CEP192: variants seen among roughly 807,000 people sequenced by gnomAD.
CEP192 encodes the protein centrosomal protein of 192 kDa.
CEP192 carries 151 observed loss-of-function variants against 271.8 expected under a neutral mutation model. That is an observed-to-expected ratio of 0.56 (90% CI 0.49 to 0.64). The LOEUF is 0.64. CEP192 is among the 30% of genes least tolerant of loss of function. CEP192 has a pLI of 0.00. For synonymous variants in CEP192, 995 were observed against 1,076.5 expected (o/e 0.92, Z 1.48); for missense variants, 2,910 against 3,020.5 (o/e 0.96, Z 0.86).
Position 13,029,721 on chromosome 18 carries a change from A to T in CEP192, c.1109A>T (p.Asn370Ile). 6.4e-7 allele frequency: 1 copy of T among 1,551,416 alleles called. No individual in the cohort carries two copies. Among genetic ancestry groups the T allele is most frequent in the Non-Finnish European group, 8.7e-7 (1 of 1,146,770 alleles). Residue 370 changes from asparagine (N) to isoleucine (I), a missense_variant, in exon 10 of 45, where the codon AAC becomes ATC. Transcript: ENST00000506447. The part of the protein sequence containing the change: ...KTLRAIDVKL[N>I]SDNFHDANAN... ...CTCAGGGCTATTGATGTGAAACTTA[A>T]CTCTGATAATTTTCATGATGCAAAT...
rs2037916813 is a variant in CEP192 at position 13,069,854 on chromosome 18, A to G, written c.5172A>G (p.Glu1724=). The change falls in exon 27 of 45, where the codon GAA becomes GAG. Residue 1724 remains glutamate, a splice_region_variant and synonymous_variant. Coordinates refer to ENST00000506447, the MANE Select transcript of CEP192 (RefSeq NM_032142.4). ...FTPKDPEACE[E]RILKIFVQPF... Reference sequence around the variant, plus strand: ...CAAAGGATCCTGAAGCCTGCGAGGAAAGGTAATATAAAAATGTTATAATGG... The same window carrying G: ...CAAAGGATCCTGAAGCCTGCGAGGAGAGGTAATATAAAAATGTTATAATGG... The G allele has an allele frequency of 6.5e-7, 1 of 1,547,188 alleles. No individual in the cohort carries two copies. The highest frequency in any genetic ancestry group is 1.4e-5 in the African/African-American group (1 of 73,212).
At chr18:13,068,285 C>T (rs1598500425) in intron 23 of CEP192, 48 bp downstream of exon 23, 2 of 1,604,984 alleles carry the variant, frequency 1.2e-6, no homozygotes, top group Non-Finnish European at 1.7e-6. Context: ...AGCTTCTAAA[C>T]CTCTTTTCTT....
intron 3 of CEP192, among the ~76,000 whole-genome samples, chr18:13,007,585 A>C (rs146481079): frequency 1.0e-3 from 154 of 152,176 alleles, no homozygotes; most frequent in Middle Eastern, 3.4e-3. Context: ...AACTATGTAT[A>C]GTCTTTCCAC....
intron 30 of CEP192, among the ~76,000 whole-genome samples, chr18:13,083,158 A>C (rs961986585): frequency 1.3e-5 from 2 of 152,018 alleles, no homozygotes; most frequent in Non-Finnish European, 2.9e-5. Flanking sequence ...CTGAATTTGA[A>C]TGTTGGCCTG....
chr18:13,121,048 G>A (rs2040635080), intron 44 of CEP192, among the ~76,000 whole-genome samples: 1 of 152,200 alleles, frequency 6.6e-6, no homozygotes, highest in African/African-American at 2.4e-5. Flanking sequence ...CAGAACTGAA[G>A]TCATGGGGAC....
At chr18:13,037,171 G>A in intron 11 of CEP192, 66 bp from the exon 12 acceptor site, 1 of 708,518 alleles carries the variant, frequency 1.4e-6, no homozygotes. Flanking sequence ...TTCCTAACTT[G>A]TATCTGTGTG....
rs759262244 is a variant in CEP192, at chr18:13,001,512, G to C, written c.220G>C (p.Gly74Arg). ...LVEGRFSVPS[G>R]SSPGSQSDAE... ...AGAAGGGAGATTTTCAGTTCCATCC[G>C]GGTCATCTCCCGGAAGCCAGAGTGA... Residue 74 changes from glycine to arginine, a missense_variant, in exon 3 of 45, where the codon GGG becomes CGG. Physicochemically the swap from Gly to Arg is moderately radical, Grantham distance 125. Transcript: ENST00000506447. The C allele has an allele frequency of 9.7e-6, 15 of 1,550,326 alleles. No individual in the cohort carries two copies. The South Asian group carries it at 1.8e-4, about 18-fold the overall frequency.
intron 7 of CEP192, 143 bp from the exon 8 acceptor site, chr18:13,018,337 A>C (rs1599081870): frequency 2.1e-6 from 1 of 484,366 alleles, no homozygotes; most frequent in South Asian, 4.3e-5. Flanking sequence ...GGAAATATTG[A>C]TTACTCTCGT....
At chr18:13,077,517 C>T (rs1469477994) in intron 30 of CEP192, among the ~76,000 whole-genome samples, 1 of 152,118 alleles carries the variant, frequency 6.6e-6, no homozygotes, top group African/African-American at 2.4e-5. Flanking sequence ...GGAAAGTTTC[C>T]AGCAGGGTGA....
intron 39 of CEP192, among the ~76,000 whole-genome samples, chr18:13,104,635 A>T (rs2039869055): frequency 6.6e-6 from 1 of 152,208 alleles, no homozygotes; most frequent in Non-Finnish European, 1.5e-5. Flanking sequence ...GATAAAAATT[A>T]AAAACTGGTA....
intron 21 of CEP192, among the ~76,000 whole-genome samples, chr18:13,059,743 A>G (rs1465976207): frequency 6.6e-6 from 1 of 152,198 alleles, no homozygotes. Context: ...ATTGGATTAT[A>G]TGCTCATTTA....
At chr18:13,023,888 A>G (rs144026248) in intron 9 of CEP192, among the ~76,000 whole-genome samples, 5 of 152,308 alleles carry the variant, frequency 3.3e-5, no homozygotes, top group African/African-American at 1.2e-4. Flanking sequence ...TTATTGCCTT[A>G]ATTTCTTTAT....
chr18:13,000,091 C>CTCTCTCTTTTTTTTTTTTT (rs1555698196), intron 2 of CEP192, among the ~76,000 whole-genome samples: 1 of 76,750 alleles, frequency 1.3e-5, no homozygotes, highest in African/African-American at 4.3e-5. Context: ...TGTCTTCTCT[C>CTCTCTCTTTTTTTTTTTTT]TTTTTTTTTT....
intron 3 of CEP192, 85 bp downstream of exon 3, chr18:13,001,667 GTAAT>G (rs1302244639): frequency 7.8e-7 from 1 of 1,278,478 alleles, no homozygotes; most frequent in Non-Finnish European, 1.0e-6. Flanking sequence ...GATTGTGTAT[GTAAT>G]TAATTCTGAT....
chr18:12,997,740 G>A (rs555707467), intron 1 of CEP192, among the ~76,000 whole-genome samples: 1 of 151,822 alleles, frequency 6.6e-6, no homozygotes, highest in Admixed American at 6.6e-5. Context: ...CTTATTTTTG[G>A]GGGGGATAGA....
At chr18:13,042,944 T>G (rs1017691005) in intron 15 of CEP192, among the ~76,000 whole-genome samples, 2 of 152,314 alleles carry the variant, frequency 1.3e-5, no homozygotes, top group South Asian at 4.1e-4. Context: ...TCATATGAGG[T>G]GTGTATGTCG....
At position 13,057,622 on chromosome 18, in the gene CEP192, T is replaced by A; in HGVS notation, c.4146T>A (p.His1382Gln). 4 of 1,614,210 alleles carry A rather than the reference T, an allele frequency of 2.5e-6. No individual in the cohort carries two copies. Among genetic ancestry groups the A allele is most frequent in the Non-Finnish European group, 3.4e-6 (4 of 1,180,012 alleles). The change falls in exon 20 of 45, where the codon CAT (histidine) becomes CAA (glutamine). Residue 1382 changes from histidine (H) to glutamine (Q), a missense_variant. Transcript: ENST00000506447. ...TGCCCGAGGAGTTGAAGCTTCCTCA[T>A]GCTTGCTGTGTCGGGATCGCTTCCC... Reference protein sequence around the residue: ...VRVPEELKLPHACCVGIASQT... With the variant: ...VRVPEELKLPQACCVGIASQT...
In CEP192 at chr18:13,071,193, G is replaced by C. The variant is rs1445786565; in HGVS notation, c.5329G>C (p.Val1777Leu). 4 of 1,613,764 alleles carry C rather than the reference G, an allele frequency of 2.5e-6. No individual in the cohort carries two copies. In the African/African-American group the frequency reaches 4.0e-5, roughly 16 times the overall value. Residue 1777 changes from valine to leucine, a missense_variant, in exon 28 of 45, where the codon GTC (valine) becomes CTC (leucine). By Grantham distance (32) the Val-to-Leu change is conservative (BLOSUM62 1). Transcript: ENST00000506447. ...SNKQFLAWGG[V>L]PLGRTQLQKL... ...CAAACAATTTCTGGCTTGGGGAGGA[G>C]TCCCTCTAGGTAGAACACAGTAAGT...
chr18:13,033,141 C>T (rs766009790), intron 11 of CEP192, among the ~76,000 whole-genome samples: 3 of 152,022 alleles, frequency 2.0e-5, no homozygotes, highest in African/African-American at 4.8e-5. Flanking sequence ...ACCTCTCTAT[C>T]GTAAAAAGTT....
Sources: gnomAD v4.1 joint callset for allele counts (sites outside exome capture counted in the v4.1 genomes callset) on GRCh38, gnomAD v4.1.1 for gene constraint, MANE v1.5 for transcripts, NCBI Gene and HGNC (gene_info 2026-07-23, HGNC 2026-07-21) for gene names.